The following XRCC5 variants were observed in gnomAD, a reference collection of about 807,000 sequenced individuals.
XRCC5 encodes the protein X-ray repair cross complementing 5.
Under a neutral mutation model 95.7 loss-of-function variants are expected in XRCC5, and 12 were observed. That is an observed-to-expected ratio of 0.13 (90% CI 0.08 to 0.20). The LOEUF (loss-of-function observed/expected upper bound fraction) is 0.20, where lower values mean the gene tolerates loss of function less well. XRCC5 is among the 10% of genes least tolerant of loss of function. The pLI is 1.00. For synonymous variants in XRCC5, 281 were observed against 290.3 expected (o/e 0.97, Z 0.33); for missense variants, 595 against 873.9 (o/e 0.68, Z 4.02).
chr2:216,140,900 T>C (rs986290053), intron 12 of XRCC5, among the ~76,000 whole-genome samples: 5 of 152,260 alleles, frequency 3.3e-5, no homozygotes, highest in African/African-American at 1.2e-4. Context: ...TTTATATGGC[T>C]GTATTCCTCT....
At position 216,113,230 on chromosome 2, in the gene XRCC5, C is replaced by T. The variant is rs1268975612; in HGVS notation, c.135+101C>T. 5 of 972,314 alleles carry T rather than the reference C, an allele frequency of 5.1e-6. No individual in the cohort carries two copies. In the East Asian group the frequency reaches 1.0e-4, roughly 19 times the overall value. 60.2% of individuals were successfully genotyped at this position (972,314 alleles called of 1,614,324 possible). A position where few individuals can be genotyped will look rare whatever the true frequency, so the allele number is the denominator to read the frequency against. On this transcript the variant is annotated intron_variant, in intron 2 of 20. Transcript: ENST00000392132. The stretch of plus-strand genomic sequence containing the variant: ...CCAGCCTCCTTATAGTGTCCAGCCC[C>T]TCTGTTTGGGGGGATTCTGGGGAGT...
intron 5 of XRCC5, among the ~76,000 whole-genome samples, chr2:216,120,206 T>G (rs1696780145): frequency 6.6e-6 from 1 of 152,226 alleles, no homozygotes; most frequent in African/African-American, 2.4e-5. Context: ...CACTTCTTAC[T>G]GAGTTGAGGT....
chr2:216,191,676 G>T (rs1407168505), intron 17 of XRCC5, among the ~76,000 whole-genome samples: 1 of 152,148 alleles, frequency 6.6e-6, no homozygotes, highest in Non-Finnish European at 1.5e-5. Flanking sequence ...CTCCCAGAGT[G>T]CTGGGATTAC....
At chr2:216,176,882 A>G (rs1463151150) in intron 16 of XRCC5, among the ~76,000 whole-genome samples, 6 of 152,176 alleles carry the variant, frequency 3.9e-5, no homozygotes, top group African/African-American at 1.4e-4. Context: ...TCACACCATA[A>G]ATTGCGATGT....
intron 16 of XRCC5, among the ~76,000 whole-genome samples, chr2:216,169,550 C>T (rs1210962223): frequency 6.6e-6 from 1 of 152,096 alleles, no homozygotes. Context: ...AAGGCCAGTG[C>T]TTTTTTAGCT....
chr2:216,119,967 A>C (rs1202279821), intron 5 of XRCC5, among the ~76,000 whole-genome samples: 1 of 152,206 alleles, frequency 6.6e-6, no homozygotes, highest in Non-Finnish European at 1.5e-5. Context: ...CGTTTTTCAA[A>C]TTGAGAGCTA....
At chr2:216,146,519 A>G (rs1688637556) in intron 13 of XRCC5, among the ~76,000 whole-genome samples, 1 of 149,038 alleles carries the variant, frequency 6.7e-6, no homozygotes, top group Non-Finnish European at 1.5e-5. Context: ...TTACCAATTT[A>G]TAAGTTGTTT....
At chr2:216,199,891 A>G (rs944482843) in intron 19 of XRCC5, among the ~76,000 whole-genome samples, 1 of 144,852 alleles carries the variant, frequency 6.9e-6, no homozygotes, top group East Asian at 2.1e-4. Context: ...AAGCTCTGTG[A>G]AAAAAAAATC....
chr2:216,170,679 G>C (rs893034148), intron 16 of XRCC5, among the ~76,000 whole-genome samples: 11 of 152,090 alleles, frequency 7.2e-5, no homozygotes, highest in African/African-American at 2.2e-4. Flanking sequence ...TCAATGACTT[G>C]GGCCATCAGT....
In XRCC5 at chr2:216,113,105, G is replaced by A; in HGVS notation, c.111G>A (p.Val37=). ...CCCCATTTGAACAAGCAAAGAAGGT[G>A]ATAACCATGTTTGTACAGCGACAGG... is the stretch of plus-strand genomic sequence containing the variant. ...IESPFEQAKK[V]ITMFVQRQVF... is the part of the protein sequence containing the mutation. The change falls in exon 2 of 21, where the codon GTG becomes GTA. Residue 37 remains valine (V), a synonymous_variant. Transcript: ENST00000392132. The A allele has an allele frequency of 6.2e-7, 1 of 1,613,966 alleles. No homozygotes were observed. The highest frequency in any genetic ancestry group is 8.5e-7 in the Non-Finnish European group (1 of 1,179,894).
At chr2:216,130,840 A>T in intron 8 of XRCC5, 35 bp from the exon 9 acceptor site, 1 of 1,471,360 alleles carries the variant, frequency 6.8e-7, no homozygotes, top group African/African-American at 1.4e-5. Flanking sequence ...ATGAGGCCCC[A>T]TATGCTTAAC....
intron 14 of XRCC5, among the ~76,000 whole-genome samples, chr2:216,157,930 G>C (rs1343824388): frequency 2.0e-5 from 3 of 152,174 alleles, no homozygotes. Flanking sequence ...ACTTCACATA[G>C]AGATTATGAA....
At chr2:216,150,158 C>T (rs148201161) in intron 14 of XRCC5, among the ~76,000 whole-genome samples, 2 of 152,240 alleles carry the variant, frequency 1.3e-5, no homozygotes, top group East Asian at 1.9e-4. Flanking sequence ...ATATATTCAT[C>T]ATCTCTGGAT....
intron 4 of XRCC5, 80 bp from the exon 5 acceptor site, chr2:216,118,963 C>T (rs755903578): frequency 2.6e-5 from 39 of 1,475,666 alleles, no homozygotes; most frequent in Non-Finnish European, 3.5e-5. Flanking sequence ...AGCTTCTCTC[C>T]TCAGTGACCA....
intron 14 of XRCC5, among the ~76,000 whole-genome samples, chr2:216,150,161 C>T (rs377288482): frequency 4.8e-4 from 73 of 152,250 alleles, no homozygotes; most frequent in African/African-American, 1.7e-3. Flanking sequence ...TATTCATCAT[C>T]TCTGGATCCA....
At chr2:216,184,198 T>A (rs1255438513) in intron 16 of XRCC5, among the ~76,000 whole-genome samples, 2 of 152,156 alleles carry the variant, frequency 1.3e-5, no homozygotes, top group Non-Finnish European at 2.9e-5. Flanking sequence ...CTGTTGTTTA[T>A]TGTCATGGTC....
intron 16 of XRCC5, among the ~76,000 whole-genome samples, chr2:216,172,469 C>CTTTTTTTTTGTTTTTTTTTTT (rs1689184703): frequency 9.3e-6 from 1 of 107,800 alleles, no homozygotes; most frequent in Non-Finnish European, 1.8e-5. Flanking sequence ...CTTTTCTTTT[C>CTTTTTTTTTGTTTTTTTTTTT]TTTTTTTTTT....
chr2:216,116,053 C>A (rs41297768), intron 2 of XRCC5, among the ~76,000 whole-genome samples: 1,884 of 152,178 alleles, frequency 0.012, 34 homozygotes, highest in African/African-American at 0.043. Flanking sequence ...CATGTTGATA[C>A]GTGTTGCACA....
At chr2:216,159,815 T>TA (rs1445098271) in intron 14 of XRCC5, among the ~76,000 whole-genome samples, 1 of 152,236 alleles carries the variant, frequency 6.6e-6, no homozygotes, top group Admixed American at 6.5e-5. Context: ...CTGATTCTCA[T>TA]ACTGCTGTGA....
Sources: allele counts gnomAD v4.1 joint callset (sites outside exome capture counted in the v4.1 genomes callset), GRCh38; gene constraint gnomAD v4.1.1; transcripts MANE v1.5; gene names NCBI Gene and HGNC (gene_info 2026-07-23, HGNC 2026-07-21).